TMEM178B: variants seen among roughly 807,000 people sequenced by gnomAD.
TMEM178B encodes transmembrane protein 178B.
A neutral mutation model predicts 31.0 loss-of-function variants in TMEM178B; 5 were observed. The observed-to-expected ratio is 0.16, with a 90% CI of 0.08 to 0.34. The LOEUF (loss-of-function observed/expected upper bound fraction) is 0.34, where lower values mean the gene tolerates loss of function less well. Ranked by LOEUF, TMEM178B falls within the 10% of genes least tolerant of loss-of-function variation. The pLI is 1.00. For synonymous variants in TMEM178B, 164 were observed against 164.0 expected (o/e 1.00, Z 0.00); for missense variants, 275 against 400.3 (o/e 0.69, Z 2.67).
chr7:141,127,323 T>G (rs539166013), intron 1 of TMEM178B, among the ~76,000 whole-genome samples: 11 of 152,226 alleles, frequency 7.2e-5, no homozygotes, highest in Non-Finnish European at 4.4e-5. Flanking sequence ...TAAAAAGTTA[T>G]GTTCATGTCC....
chr7:141,298,877 A>T (rs1278921535), intron 2 of TMEM178B, among the ~76,000 whole-genome samples: 1 of 152,208 alleles, frequency 6.6e-6, no homozygotes, highest in African/African-American at 2.4e-5. Context: ...GTTGAGAAAG[A>T]TATGGAGAGA....
intron 2 of TMEM178B, among the ~76,000 whole-genome samples, chr7:141,353,259 A>G (rs1799765575): frequency 6.6e-6 from 1 of 152,176 alleles, no homozygotes; most frequent in African/African-American, 2.4e-5. Context: ...CAACATGCTC[A>G]TAGTAAGAAT....
chr7:141,343,917 C>T (rs1799562908), intron 2 of TMEM178B, among the ~76,000 whole-genome samples: 1 of 152,172 alleles, frequency 6.6e-6, no homozygotes, highest in South Asian at 2.1e-4. Flanking sequence ...GCTGCCCAAG[C>T]CCCTGATCTC....
At chr7:141,498,480 G>A in the TMEM178B span, among the ~76,000 whole-genome samples, 2 of 152,190 alleles carry the variant, frequency 1.3e-5, no homozygotes, top group East Asian at 3.8e-4. Flanking sequence ...TTTATACCAT[G>A]GGAATCATTC....
intron 2 of TMEM178B, among the ~76,000 whole-genome samples, chr7:141,217,074 G>C (rs540866575): frequency 7.9e-5 from 12 of 152,208 alleles, no homozygotes; most frequent in Admixed American, 2.0e-4. Context: ...TGATTGACAA[G>C]GTCAGGGGAA....
intron 2 of TMEM178B, among the ~76,000 whole-genome samples, chr7:141,383,465 A>G (rs534520849): frequency 7.5e-4 from 113 of 150,050 alleles, no homozygotes; most frequent in African/African-American, 2.6e-3. Flanking sequence ...GAGAACATGC[A>G]ATGTTCGGTT....
At position 141,402,917 on chromosome 7, in the gene TMEM178B, A is replaced by G. The variant is rs191084041; in HGVS notation, c.497-34691A>G. Among the ~76,000 whole-genome samples the G allele has an allele frequency of 1.6e-4, 24 of 152,374 alleles. 1 individual carries two copies. Among genetic ancestry groups the G allele is most frequent in the African/African-American group, 5.8e-4 (24 of 41,590 alleles). On this transcript the variant is annotated intron_variant, in intron 2 of 3. Transcript: ENST00000565468. Reference sequence around the variant, plus strand: ...TTTGTTTCTCAGTTAACTGCTATAAAGAGGAACCTACTGCCCTTGGCAGCA... The same window carrying G: ...TTTGTTTCTCAGTTAACTGCTATAAGGAGGAACCTACTGCCCTTGGCAGCA...
rs73739823 is a variant in TMEM178B, at chr7:141,382,760, T to C, written c.497-54848T>C. On this transcript the variant is annotated intron_variant, in intron 2 of 3. Coordinates refer to ENST00000565468, the MANE Select transcript of TMEM178B (RefSeq NM_001195278.2). ...ACAAAGAGAAAACAACAGTAACACG[T>C]TGAGTTGGGTATGTCACTAGCTAAA... 7.1e-3 allele frequency among the ~76,000 whole-genome samples: 1,084 copies of C among 152,320 alleles called. 19 individuals carry two copies. The highest frequency in any genetic ancestry group is 0.023 in the African/African-American group (971 of 41,554).
intron 1 of TMEM178B, among the ~76,000 whole-genome samples, chr7:141,118,497 A>C (rs1795356637): frequency 6.6e-6 from 1 of 152,230 alleles, no homozygotes; most frequent in Non-Finnish European, 1.5e-5. Flanking sequence ...AGTGTTTAGA[A>C]TATCCAGCGT....
intron 1 of TMEM178B, among the ~76,000 whole-genome samples, chr7:141,161,064 T>C (rs561931371): frequency 2.2e-4 from 33 of 151,932 alleles, no homozygotes; most frequent in East Asian, 9.7e-4. Flanking sequence ...ACCACGTTGG[T>C]CAGGCTGGTC....
intron 1 of TMEM178B, among the ~76,000 whole-genome samples, chr7:141,131,957 G>A (rs1282060566): frequency 6.6e-6 from 1 of 152,096 alleles, no homozygotes; most frequent in Non-Finnish European, 1.5e-5. Context: ...ATTTAGTATT[G>A]TTATCATGTT....
At chr7:141,134,286 A>T (rs1795639697) in intron 1 of TMEM178B, among the ~76,000 whole-genome samples, 1 of 152,092 alleles carries the variant, frequency 6.6e-6, no homozygotes, top group African/African-American at 2.4e-5. Flanking sequence ...CCAACACAAC[A>T]ATGTGCAGAA....
chr7:141,288,839 C>G (rs1798494928), intron 2 of TMEM178B, among the ~76,000 whole-genome samples: 1 of 152,208 alleles, frequency 6.6e-6, no homozygotes, highest in Non-Finnish European at 1.5e-5. Context: ...TGCTCCAGTG[C>G]TTTTTCTTAC....
intron 2 of TMEM178B, among the ~76,000 whole-genome samples, chr7:141,299,218 C>T (rs1192324118): frequency 6.6e-6 from 1 of 152,006 alleles, no homozygotes; most frequent in Non-Finnish European, 1.5e-5. Context: ...ACTCTGTCAC[C>T]CAGGCTGGAG....
intron 1 of TMEM178B, among the ~76,000 whole-genome samples, chr7:141,167,346 C>A (rs1277392888): frequency 6.6e-6 from 1 of 152,226 alleles, no homozygotes; most frequent in Non-Finnish European, 1.5e-5. Context: ...CAAGCAGATC[C>A]AATATAGGAC....
chr7:141,319,054 A>G (rs760727836), intron 2 of TMEM178B, among the ~76,000 whole-genome samples: 1 of 152,256 alleles, frequency 6.6e-6, no homozygotes, highest in Non-Finnish European at 1.5e-5. Context: ...CCAAAAAAGC[A>G]AAGTACAAAG....
intron 2 of TMEM178B, among the ~76,000 whole-genome samples, chr7:141,218,194 G>A (rs1797193081): frequency 6.6e-6 from 1 of 152,074 alleles, no homozygotes; most frequent in South Asian, 2.1e-4. Flanking sequence ...TACAGCATTG[G>A]GGGTCCTCGC....
At chr7:141,106,471 C>A (rs1795148847) in intron 1 of TMEM178B, among the ~76,000 whole-genome samples, 2 of 152,190 alleles carry the variant, frequency 1.3e-5, no homozygotes, top group Admixed American at 1.3e-4. Context: ...GGGCCACACC[C>A]ACCCTTCATT....
At chr7:141,244,558 G>A (rs377021236) in intron 2 of TMEM178B, among the ~76,000 whole-genome samples, 2 of 152,204 alleles carry the variant, frequency 1.3e-5, no homozygotes, top group East Asian at 3.9e-4. Context: ...AAGCCTAGGC[G>A]GCAGAACCTA....
Sources: allele counts gnomAD v4.1 joint callset (sites outside exome capture counted in the v4.1 genomes callset), GRCh38; gene constraint gnomAD v4.1.1; transcripts MANE v1.5; gene names NCBI Gene and HGNC (gene_info 2026-07-23, HGNC 2026-07-21).